Variants in TTN observed in about 807,000 individuals in gnomAD.
TTN encodes the protein titin.
Under a neutral mutation model 3,223.0 loss-of-function variants are expected in TTN, and 1,525 were observed. That is an observed-to-expected ratio of 0.47 (90% CI 0.45 to 0.49). The LOEUF (loss-of-function observed/expected upper bound fraction) is 0.49. Ranked by LOEUF, TTN falls within the 20% of genes least tolerant of loss-of-function variation. The pLI, the probability that TTN is intolerant of heterozygous loss-of-function variation, is 0.00. For synonymous variants in TTN, 14,094 were observed against 15,161.0 expected (o/e 0.93, Z 5.17); for missense variants, 40,786 against 43,424.0 (o/e 0.94, Z 5.40).
At position 178,725,567 on chromosome 2, in the gene TTN, G is replaced by A. The variant is rs376056276; in HGVS notation, c.20637C>T (p.Gly6879=). The A allele has an allele frequency of 2.4e-5, 39 of 1,612,468 alleles. No individual in the cohort carries two copies. The highest frequency in any genetic ancestry group is 1.3e-4 in the East Asian group (6 of 44,836). Residue 6879 remains glycine (G), a synonymous_variant, in exon 71 of 363, where the codon GGC becomes GGT. Transcript: ENST00000589042. The stretch of plus-strand genomic sequence containing the variant: ...GCCACTGGACAAAAATAGGCTGGGC[G>A]CCTTCTATGGATGCTTGTAATTCAG... ...EPAELQASIE[G]AQPIFVQWLK... is the part of the protein sequence containing the mutation.
At position 178,563,946 on chromosome 2, in the gene TTN, G is replaced by C. The variant is rs371604558; in HGVS notation, c.82186C>G (p.Gln27396Glu). 2.1e-5 allele frequency: 34 copies of C among 1,613,518 alleles called. No individual in the cohort carries two copies. Among genetic ancestry groups the C allele is most frequent in the Admixed American group, 1.7e-4 (10 of 59,966 alleles). The stretch of plus-strand genomic sequence containing the variant: ...TGTGAAATATTAGCACCACCATCTT[G>C]CAAAGGTGGGTTCCATGCCAGGTAA... ...KCYLAWNPPL[Q>E]DGGANISHYI... The change falls in exon 326 of 363, where the codon CAA (glutamine) becomes GAA (glutamate). Residue 27396 changes from glutamine to glutamate, a missense_variant. Transcript: ENST00000589042. The surrounding 1 kb of genome is among the most constrained non-coding windows in gnomAD (Gnocchi z 4.5).
At chr2:178,720,309 T>G in intron 80 of TTN, 45 bp from the exon 81 acceptor site, 11 of 1,594,796 alleles carry the variant, frequency 6.9e-6, no homozygotes, top group Non-Finnish European at 9.4e-6. Context: ...GTGAGAATCA[T>G]GGCCACACAA....
At chr2:178,688,573 A>G (rs1366198247) in intron 126 of TTN, 104 bp downstream of exon 126, 5 of 816,048 alleles carry the variant, frequency 6.1e-6, no homozygotes, top group Non-Finnish European at 1.0e-5. Context: ...AGGAGAAATA[A>G]CTGATGAGGA....
rs561658814 is a variant in TTN, at chr2:178,697,853, G to A, written c.30755-685C>T. The stretch of plus-strand genomic sequence containing the variant: ...GATCACCTAAATCAGGAAAGATACT[G>A]AGGTGGGTTGCAGCAACCTCTTAAA... On this transcript the variant is annotated intron_variant, in intron 112 of 362. Transcript: ENST00000589042. Among the ~76,000 whole-genome samples, 4 of 152,250 alleles carry A rather than the reference G, an allele frequency of 2.6e-5. 1 individual carries two copies. Among genetic ancestry groups the A allele is most frequent in the African/African-American group, 9.6e-5 (4 of 41,552 alleles).
At position 178,730,361 on chromosome 2, in the gene TTN, G is replaced by A; in HGVS notation, c.18039C>T (p.Tyr6013=). ...SGHLTVKEPP[Y]FVEKPQSQDV... Reference sequence around the variant, plus strand: ...CTTGTGACTGTGGCTTTTCCACAAAGTAAGGGGGTTCTGAGGTGAAAGAAA... The same window carrying A: ...CTTGTGACTGTGGCTTTTCCACAAAATAAGGGGGTTCTGAGGTGAAAGAAA... Residue 6013 remains tyrosine (Y), a synonymous_variant, in exon 62 of 363, where the codon TAC becomes TAT. Coordinates refer to ENST00000589042, the MANE Select transcript of TTN (RefSeq NM_001267550.2). The A allele has an allele frequency of 6.3e-7, 1 of 1,595,804 alleles. No homozygotes were observed. Among genetic ancestry groups the A allele is most frequent in the South Asian group, 1.1e-5 (1 of 87,646 alleles).
chr2:178,538,913 CTTTAA>C (rs768875298), intron 353 of TTN, 28 bp downstream of exon 353: 17 of 1,585,330 alleles, frequency 1.1e-5, no homozygotes, highest in African/African-American at 9.4e-5. Context: ...TGGCTTGCTT[CTTTAA>C]TTTAACCCCT....
Position 178,632,401 on chromosome 2 carries a change from TTGAGCCGGATTC to T in TTN, c.43481_43492del (p.Gly14494_Lys14498delinsGlu). On this transcript the variant is annotated inframe_deletion and splice_region_variant, in exon 236 of 363. Coordinates refer to ENST00000589042, the MANE Select transcript of TTN (RefSeq NM_001267550.2). Reference sequence around the variant, plus strand: ...TACATCTTTGAGAGGGGTGAGGAATTTGAGCCGGATTCCTATCAAGAAAAAAAAGAAAGAACT... The same window carrying T: ...TACATCTTTGAGAGGGGTGAGGAATTCTATCAAGAAAAAAAAGAAAGAACT... 1 of 1,588,428 alleles carries T rather than the reference TTGAGCCGGATTC, an allele frequency of 6.3e-7. No individual in the cohort carries two copies. Among genetic ancestry groups the T allele is most frequent in the Middle Eastern group, 1.7e-4 (1 of 5,962 alleles).
rs770868014 is a variant in TTN at position 178,573,868 on chromosome 2, T to C, written c.72264A>G (p.Val24088=). ...IKIADFSTNL[V]NKDSTRRDSG... ...TATCCCTTCTTGTTGAATCTTTGTT[T>C]ACCAGATTAGTAGAGAAATCTGCAA... Residue 24088 remains valine (V), a synonymous_variant, in exon 326 of 363, where the codon GTA becomes GTG. Coordinates refer to ENST00000589042, the MANE Select transcript of TTN (RefSeq NM_001267550.2). 1.2e-6 allele frequency: 2 copies of C among 1,611,302 alleles called. No homozygotes were observed. Among genetic ancestry groups the C allele is most frequent in the South Asian group, 1.1e-5 (1 of 90,964 alleles).
Position 178,539,103 on chromosome 2 carries a change from C to T in TTN, c.98832G>A (p.Trp32944Ter), listed in dbSNP as rs1693123478. 1 of 1,613,690 alleles carries T rather than the reference C, an allele frequency of 6.2e-7. No individual in the cohort carries two copies. Among genetic ancestry groups the T allele is most frequent in the Non-Finnish European group, 8.5e-7 (1 of 1,179,742 alleles). Reference sequence around the variant, plus strand: ...TGATCTGAGTCTTGTTGTGTCTGACCCACTTGTCAGTGGATGTCTCTTTGC... The same window carrying T: ...TGATCTGAGTCTTGTTGTGTCTGACTCACTTGTCAGTGGATGTCTCTTTGC... Reference protein sequence around the residue: ...IERKETSTDKWVRHNKTQITT... With the variant: ...IERKETSTDK Residue 32944 changes from tryptophan to a stop codon, truncating the protein, a stop_gained, in exon 353 of 363, where the codon TGG (tryptophan) becomes TGA (stop). Coordinates refer to ENST00000589042, the MANE Select transcript of TTN (RefSeq NM_001267550.2). LOFTEE classifies it high-confidence loss of function.
rs1056269539 is a variant in TTN, at chr2:178,770,556, C to A, written c.8236G>T (p.Val2746Leu). 1 of 1,614,034 alleles carries A rather than the reference C, an allele frequency of 6.2e-7. No homozygotes were observed. The highest frequency in any genetic ancestry group is 1.3e-5 in the African/African-American group (1 of 74,920). The change falls in exon 35 of 363, where the codon GTG (valine) becomes TTG (leucine). Residue 2746 changes from valine to leucine, a missense_variant. Physicochemically the swap from Val to Leu is conservative, Grantham distance 32. Transcript: ENST00000589042. ...GCATACTTTTCATTGGATTCCAGCA[C>A]AACTCCATTTTTGATCCACTGGACA... ...KGVQWIKNGV[V>L]LESNEKYAIS... is the part of the protein sequence containing the mutation.
chr2:178,610,886 A>G, intron 270 of TTN, 107 bp downstream of exon 270: 1 of 1,352,916 alleles, frequency 7.4e-7, no homozygotes, highest in South Asian at 1.3e-5. Flanking sequence ...CATTTAGTTT[A>G]CAAGTGGCCA....
chr2:178,619,796 C>T lies in TTN; in HGVS notation c.46521G>A (p.Lys15507=). Residue 15507 remains lysine, a synonymous_variant, in exon 250 of 363, where the codon AAG becomes AAA. Transcript: ENST00000589042. ...TATTTCTTAGCCATTGGACTTCCAC[C>T]TTATCTTTATTGAGTTCTGCTAAAA... ...VVFLAELNKD[K]VEVQWLRNNM... The T allele has an allele frequency of 6.2e-7, 1 of 1,612,300 alleles. No individual in the cohort carries two copies.
chr2:178,727,547 C>G (rs773568610), intron 68 of TTN, 38 bp downstream of exon 68: 1 of 1,528,250 alleles, frequency 6.5e-7, no homozygotes, highest in Non-Finnish European at 8.8e-7. Context: ...ACCAAAGACA[C>G]AGTCAGACAG....
rs2049296291 is a variant in TTN at position 178,587,511 on chromosome 2, C to T, written c.63793+5G>A. ...GTGGGAGGGAGAAGCATTTTAGTAA[C>T]CCACCTAATACTCTGACATTTACGA... On this transcript the variant is annotated splice_donor_5th_base_variant and intron_variant, in intron 306 of 362. Coordinates refer to ENST00000589042, the MANE Select transcript of TTN (RefSeq NM_001267550.2). The T allele has an allele frequency of 6.2e-7, 1 of 1,605,714 alleles. No homozygotes were observed. Among genetic ancestry groups the T allele is most frequent in the Non-Finnish European group, 8.5e-7 (1 of 1,176,306 alleles).
At chr2:178,597,385 A>G (rs1433393909) in intron 294 of TTN, among the ~76,000 whole-genome samples, 153 bp downstream of exon 294, 1 of 152,120 alleles carries the variant, frequency 6.6e-6, no homozygotes, top group African/African-American at 2.4e-5. Context: ...AGTAAGGAGG[A>G]AATTTTTAAA....
intron 221 of TTN, 74 bp downstream of exon 221, chr2:178,640,467 G>T: frequency 7.6e-7 from 1 of 1,311,140 alleles, no homozygotes; most frequent in Non-Finnish European, 1.1e-6. Context: ...AAATCTTGAT[G>T]TCAGTGTAAT....
At position 178,756,223 on chromosome 2, in the gene TTN, A is replaced by G. The variant is rs746445134; in HGVS notation, c.11253T>C (p.Gly3751=). The change falls in exon 46 of 363, where the codon GGT becomes GGC. Residue 3751 remains glycine, a splice_region_variant and synonymous_variant. Transcript: ENST00000589042. ...RTTSAVLSVE[G]APESILHERI... is the part of the protein sequence containing the mutation. The stretch of plus-strand genomic sequence containing the variant: ...AGTCATAGCTAAAAATCAATTAACC[A>G]CCTTCTACACTTAGTACTGCTGACG... The G allele has an allele frequency of 1.9e-6, 3 of 1,592,882 alleles. No individual in the cohort carries two copies. The highest frequency in any genetic ancestry group is 1.7e-5 in the Admixed American group (1 of 59,060).
chr2:178,532,541 A>G lies in TTN; in HGVS notation c.104074T>C (p.Ser34692Pro). 1 of 1,613,994 alleles carries G rather than the reference A, an allele frequency of 6.2e-7. No homozygotes were observed. Among genetic ancestry groups the G allele is most frequent in the Non-Finnish European group, 8.5e-7 (1 of 1,179,870 alleles). The change falls in exon 358 of 363, where the codon TCA becomes CCA. Residue 34692 changes from serine to proline, a missense_variant. Ser to Pro is a moderately conservative substitution (Grantham distance 74, BLOSUM62 -1). Transcript: ENST00000589042. The part of the protein sequence containing the change: ...RLEEELELGF[S>P]ASPPSRSPPH... ...GGGCTTCGACTTGGGGGTGAAGCTG[A>G]AAAACCTAACTCAAGCTCTTCTTCA...
Position 178,731,771 on chromosome 2 carries a change from C to T in TTN, c.17104G>A (p.Ala5702Thr), listed in dbSNP as rs2080567900. Residue 5702 changes from alanine (A) to threonine (T), a missense_variant, in exon 58 of 363, where the codon GCA becomes ACA. Ala to Thr is a moderately conservative substitution (Grantham distance 58). Transcript: ENST00000589042. ...VSLQILKFVA[A>T]DAGEYQCRVT... ...CGACACTGGTATTCGCCAGCATCTGCAGCTACAAACTTGAGGATCTGCAGG... is the reference window on the plus strand; with the variant it reads ...CGACACTGGTATTCGCCAGCATCTGTAGCTACAAACTTGAGGATCTGCAGG... The T allele has an allele frequency of 6.2e-7, 1 of 1,613,678 alleles. No individual in the cohort carries two copies. Among genetic ancestry groups the T allele is most frequent in the African/African-American group, 1.3e-5 (1 of 74,908 alleles).
Sources: gnomAD v4.1 joint callset for allele counts (sites outside exome capture counted in the v4.1 genomes callset) on GRCh38, gnomAD v4.1.1 for gene constraint, Gnocchi (gnomAD v3.1) non-coding constraint, MANE v1.5 for transcripts, NCBI Gene and HGNC (gene_info 2026-07-23, HGNC 2026-07-21) for gene names.